Variants in MCTP1 observed in about 807,000 individuals in gnomAD.
The protein encoded by MCTP1 is multiple C2 and transmembrane domain-containing protein 1.
A neutral mutation model predicts 120.6 loss-of-function variants in MCTP1; 69 were observed. The observed-to-expected ratio is 0.57, with a 90% CI of 0.47 to 0.70. The LOEUF (loss-of-function observed/expected upper bound fraction) is 0.70. Ranked by LOEUF, MCTP1 falls within the 30% of genes least tolerant of loss-of-function variation. The pLI is 0.00. For synonymous variants in MCTP1, 529 were observed against 493.1 expected, an observed-to-expected ratio of 1.07 and a Z score of -0.96; for missense variants, 1,203 against 1,248.8, an observed-to-expected ratio of 0.96 and a Z score of 0.55.
At position 95,060,449 on chromosome 5, in the gene MCTP1, C is replaced by T. The variant is rs549020086; in HGVS notation, c.721-42965G>A. ...ATTCATGTTGGAAGATGCATCCCAA[C>T]TTCTAGTAAACACCTTGCAGAGCAT... On this transcript the variant is annotated intron_variant, in intron 1 of 22. Coordinates refer to ENST00000515393, the MANE Select transcript of MCTP1 (RefSeq NM_024717.7). 1.1e-4 allele frequency among the ~76,000 whole-genome samples: 17 copies of T among 152,286 alleles called. No individual in the cohort carries two copies. In the South Asian group the frequency reaches 3.3e-3, roughly 30 times the overall value.
intron 1 of MCTP1, among the ~76,000 whole-genome samples, chr5:95,055,087 G>A (rs754257401): frequency 6.6e-6 from 1 of 151,890 alleles, no homozygotes; most frequent in Non-Finnish European, 1.5e-5. Context: ...ACAAGCTGGA[G>A]CTATAATATT....
At chr5:95,148,824 A>G (rs975100971) in intron 1 of MCTP1, among the ~76,000 whole-genome samples, 1 of 151,958 alleles carries the variant, frequency 6.6e-6, no homozygotes, top group Non-Finnish European at 1.5e-5. Context: ...CTTTCCTTTA[A>G]CTGTGATGTA....
Position 95,070,256 on chromosome 5 carries a change from C to T in MCTP1, c.721-52772G>A, listed in dbSNP as rs953517881. ...ACCCTGAGCCCAGCTTGCCTCTCAC[C>T]CTCTGAGGAAGGAGCAGGAGCTGCA... On this transcript the variant is annotated intron_variant, in intron 1 of 22. Coordinates refer to ENST00000515393, the MANE Select transcript of MCTP1 (RefSeq NM_024717.7). Among the ~76,000 whole-genome samples, 6 of 152,206 alleles carry T rather than the reference C, an allele frequency of 3.9e-5. No homozygotes were observed. The South Asian group carries it at 6.2e-4, about 16-fold the overall frequency.
At chr5:95,010,069 G>T (rs1835616724) in intron 2 of MCTP1, among the ~76,000 whole-genome samples, 1 of 152,116 alleles carries the variant, frequency 6.6e-6, no homozygotes, top group Non-Finnish European at 1.5e-5. Context: ...TAACCATTTT[G>T]ATTTTGCTGG....
rs1749923775 is a variant in MCTP1, at chr5:95,192,403, C to T, written c.720+91453G>A. On this transcript the variant is annotated intron_variant, in intron 1 of 22. Coordinates refer to ENST00000515393, the MANE Select transcript of MCTP1 (RefSeq NM_024717.7). ...GAAAGCTGAGAGTCAAACAAACCAG[C>T]TGCTCATTATATAACTATATTAGTC... is the stretch of plus-strand genomic sequence containing the variant. Among the ~76,000 whole-genome samples the T allele has an allele frequency of 2.0e-5, 3 of 151,978 alleles. No individual in the cohort carries two copies. In the South Asian group the frequency reaches 6.2e-4, roughly 31 times the overall value.
chr5:95,047,189 T>C (rs916980474), intron 1 of MCTP1, among the ~76,000 whole-genome samples: 1 of 152,158 alleles, frequency 6.6e-6, no homozygotes, highest in Non-Finnish European at 1.5e-5. Context: ...TTGAAGACCG[T>C]TTGCTTTCCC....
At chr5:94,868,240 C>CATCAACAT in intron 17 of MCTP1, 93 bp downstream of exon 17, 2 of 1,248,768 alleles carry the variant, frequency 1.6e-6, no homozygotes, top group Non-Finnish European at 2.1e-6. Flanking sequence ...AAAATGGCCA[C>CATCAACAT]ATCAACATAA....
chr5:95,229,177 C>T (rs556002559), intron 1 of MCTP1, among the ~76,000 whole-genome samples: 1 of 152,206 alleles, frequency 6.6e-6, no homozygotes, highest in South Asian at 2.1e-4. Flanking sequence ...TACAAGGATA[C>T]AATTTGGATG....
At chr5:95,216,426 G>C (rs188339152) in intron 1 of MCTP1, among the ~76,000 whole-genome samples, 1 of 152,134 alleles carries the variant, frequency 6.6e-6, no homozygotes, top group Non-Finnish European at 1.5e-5. Context: ...TATCCTGTAG[G>C]TTGTCCATTT....
chr5:94,922,468 A>C (rs1811904463), intron 7 of MCTP1, among the ~76,000 whole-genome samples: 1 of 149,844 alleles, frequency 6.7e-6, no homozygotes, highest in Non-Finnish European at 1.5e-5. Flanking sequence ...TCTACTCTCA[A>C]AGAAGTGTGC....
At chr5:94,746,326 G>A (rs1766894131) in intron 19 of MCTP1, among the ~76,000 whole-genome samples, 1 of 152,032 alleles carries the variant, frequency 6.6e-6, no homozygotes, top group South Asian at 2.1e-4. Flanking sequence ...ATTCTTTTAT[G>A]TCATTTATTT....
intron 2 of MCTP1, among the ~76,000 whole-genome samples, chr5:95,004,998 C>A (rs150956456): frequency 4.6e-5 from 7 of 152,336 alleles, no homozygotes; most frequent in African/African-American, 1.4e-4. Context: ...CTGGTGAAAA[C>A]CACTGCGGGG....
chr5:94,706,656 G>A lies in MCTP1; in HGVS notation c.*840C>T, dbSNP rs887890435. ...ACAGATACAATCTGACACCAAAAGCGATATGGATATAGTTTCCTAGTATTT... is the reference window on the plus strand; with the variant it reads ...ACAGATACAATCTGACACCAAAAGCAATATGGATATAGTTTCCTAGTATTT... On this transcript the variant is annotated 3_prime_UTR_variant, in exon 23 of 23. Coordinates refer to ENST00000515393, the MANE Select transcript of MCTP1 (RefSeq NM_024717.7). The A allele has an allele frequency of 4.6e-5, 7 of 150,712 alleles. No individual in the cohort carries two copies. The highest frequency in any genetic ancestry group is 1.2e-4 in the African/African-American group (5 of 40,950). The allele number at this position is 150,712 out of a possible 1,614,324, so 9.3% of individuals were successfully genotyped here.
chr5:95,175,762 G>A (rs1054854162), intron 1 of MCTP1, among the ~76,000 whole-genome samples: 6 of 152,090 alleles, frequency 3.9e-5, no homozygotes, highest in African/African-American at 7.2e-5. Context: ...TCCTCAGCAC[G>A]GCCCTCAGAG....
chr5:94,841,438 G>A (rs1021727893), intron 17 of MCTP1, among the ~76,000 whole-genome samples: 2 of 152,054 alleles, frequency 1.3e-5, no homozygotes, highest in African/African-American at 4.8e-5. Flanking sequence ...ATTTCATAGT[G>A]GCACAACTCC....
At chr5:95,217,734 T>TATATTA (rs1753201590) in intron 1 of MCTP1, among the ~76,000 whole-genome samples, 1 of 152,186 alleles carries the variant, frequency 6.6e-6, no homozygotes, top group Non-Finnish European at 1.5e-5. Flanking sequence ...TACCAAATAA[T>TATATTA]ATATTAATAA....
intron 1 of MCTP1, among the ~76,000 whole-genome samples, chr5:95,028,914 C>A (rs553468015): frequency 4.9e-4 from 75 of 152,280 alleles, no homozygotes; most frequent in African/African-American, 1.6e-3. Flanking sequence ...GTAATCCCAG[C>A]ACTTTGGGAG....
At chr5:94,906,074 A>G (rs1261163399) in intron 10 of MCTP1, among the ~76,000 whole-genome samples, 1 of 152,190 alleles carries the variant, frequency 6.6e-6, no homozygotes, top group Non-Finnish European at 1.5e-5. Flanking sequence ...GTCAGGTTAG[A>G]CGAAGGTTGA....
intron 2 of MCTP1, among the ~76,000 whole-genome samples, chr5:95,011,559 G>A (rs1040562780): frequency 6.6e-6 from 1 of 151,972 alleles, no homozygotes. Context: ...TCATGATATC[G>A]AGTGAATTCT....
Sources: allele counts gnomAD v4.1 joint callset (sites outside exome capture counted in the v4.1 genomes callset), GRCh38; gene constraint gnomAD v4.1.1; transcripts MANE v1.5; gene names NCBI Gene and HGNC (gene_info 2026-07-23, HGNC 2026-07-21).